Variants in SGCD observed in about 807,000 individuals in gnomAD.
The protein encoded by SGCD is sarcoglycan delta.
In SGCD, 18 loss-of-function variants were observed where a neutral mutation model predicts 36.6. That is an observed-to-expected ratio of 0.49 (90% CI 0.34 to 0.73). The LOEUF (loss-of-function observed/expected upper bound fraction) is 0.73, where lower values mean the gene tolerates loss of function less well. Among genes scored for constraint, SGCD ranks in the 30% least tolerant of loss-of-function variants. SGCD has a pLI of 0.01. For missense variants in SGCD, 387 were observed against 346.7 expected, an observed-to-expected ratio of 1.12 and a Z score of -0.92; for synonymous variants, 133 against 130.6, an observed-to-expected ratio of 1.02 and a Z score of -0.12.
At chr5:155,967,038 C>T (rs750658356) in intron 1 of SGCD, among the ~76,000 whole-genome samples, 18 of 151,532 alleles carry the variant, frequency 1.2e-4, no homozygotes, top group Non-Finnish European at 2.4e-4. Flanking sequence ...TCCATCTCCT[C>T]CTTTATTGTC....
chr5:155,926,661 T>A (rs1193222296), intron 1 of SGCD, among the ~76,000 whole-genome samples: 1 of 152,192 alleles, frequency 6.6e-6, no homozygotes. Context: ...TGAAATTGTT[T>A]TCAACAGCAA....
At chr5:156,431,669 G>T (rs891439956) in intron 3 of SGCD, among the ~76,000 whole-genome samples, 4 of 152,080 alleles carry the variant, frequency 2.6e-5, no homozygotes, top group Non-Finnish European at 4.4e-5. Context: ...CCTTCCCTTA[G>T]GAATGGGGCT....
At chr5:155,931,809 T>C (rs1008237506) in intron 1 of SGCD, among the ~76,000 whole-genome samples, 8 of 152,206 alleles carry the variant, frequency 5.3e-5, no homozygotes, top group Non-Finnish European at 1.0e-4. Context: ...CCATTTGGGC[T>C]GCTGTAACAA....
chr5:156,111,418 G>A (rs1218044371), intron 1 of SGCD, among the ~76,000 whole-genome samples: 2 of 152,190 alleles, frequency 1.3e-5, no homozygotes, highest in Non-Finnish European at 2.9e-5. Flanking sequence ...AAGCCTTTGG[G>A]AAGTTTGGAC....
At chr5:156,338,838 G>A (rs996908264) in intron 2 of SGCD, among the ~76,000 whole-genome samples, 1 of 151,992 alleles carries the variant, frequency 6.6e-6, no homozygotes, top group African/African-American at 2.4e-5. Context: ...AGTTACACAG[G>A]GCCACACAGC....
intron 1 of SGCD, among the ~76,000 whole-genome samples, chr5:156,115,548 A>G (rs1761888040): frequency 6.6e-6 from 1 of 152,102 alleles, no homozygotes; most frequent in Non-Finnish European, 1.5e-5. Context: ...AAATATAAGA[A>G]TGATATTATA....
chr5:156,744,703 T>C (rs929624444), intron 7 of SGCD, among the ~76,000 whole-genome samples: 2 of 152,222 alleles, frequency 1.3e-5, no homozygotes, highest in African/African-American at 4.8e-5. Flanking sequence ...CTTTCTCTAA[T>C]GGAGCCATGA....
intron 7 of SGCD, among the ~76,000 whole-genome samples, chr5:156,734,040 AATG>A (rs1447166520): frequency 4.6e-5 from 7 of 152,092 alleles, no homozygotes; most frequent in Non-Finnish European, 1.0e-4. Flanking sequence ...AGTGGCTGGT[AATG>A]ATCTTTCTTT....
At chr5:155,902,260 TA>T (rs1386435086) in intron 1 of SGCD, among the ~76,000 whole-genome samples, 2 of 152,252 alleles carry the variant, frequency 1.3e-5, no homozygotes, top group African/African-American at 2.4e-5. Context: ...GGAAATAAGA[TA>T]AAGTATTTAA....
At chr5:156,099,206 TG>T (rs1170771548) in intron 1 of SGCD, among the ~76,000 whole-genome samples, 1 of 152,230 alleles carries the variant, frequency 6.6e-6, no homozygotes, top group Non-Finnish European at 1.5e-5. Flanking sequence ...CAGTTCTTTT[TG>T]GTTGTCTCTT....
rs1354049804 is a variant in SGCD at position 156,580,085 on chromosome 5, A to C, written c.295-9146A>C. On this transcript the variant is annotated intron_variant, in intron 4 of 8. Transcript: ENST00000337851. Reference sequence around the variant, plus strand: ...CCTTTCCATGTTTAGTGCTTCCTTCAGGAGCTCTTGTAAGGCAGGCCTGGT... The same window carrying C: ...CCTTTCCATGTTTAGTGCTTCCTTCCGGAGCTCTTGTAAGGCAGGCCTGGT... Among the ~76,000 whole-genome samples the C allele has an allele frequency of 4.6e-5, 7 of 152,154 alleles. No individual in the cohort carries two copies. In the East Asian group the frequency reaches 1.2e-3, roughly 25 times the overall value.
intron 3 of SGCD, among the ~76,000 whole-genome samples, chr5:156,133,623 G>A (rs1260092877): frequency 6.6e-6 from 1 of 152,122 alleles, no homozygotes; most frequent in Non-Finnish European, 1.5e-5. Context: ...CAAACTAAAG[G>A]ATACTTCCTT....
chr5:156,200,660 T>C (rs568784036), intron 3 of SGCD, among the ~76,000 whole-genome samples: 75 of 152,268 alleles, frequency 4.9e-4, no homozygotes, highest in African/African-American at 1.7e-3. Flanking sequence ...TGGAACCCAT[T>C]ATGCAAACTA....
intron 3 of SGCD, among the ~76,000 whole-genome samples, chr5:156,137,401 G>A (rs1470771670): frequency 6.6e-6 from 1 of 152,168 alleles, no homozygotes; most frequent in Non-Finnish European, 1.5e-5. Context: ...ATGGAACATG[G>A]AGAACATGTA....
chr5:156,500,628 A>T (rs74511043), intron 3 of SGCD, among the ~76,000 whole-genome samples: 2,858 of 152,320 alleles, frequency 0.019, 32 homozygotes, highest in Non-Finnish European at 0.031. Flanking sequence ...TGTTTTACAC[A>T]CCTATCAAAA....
chr5:155,861,949 C>A, the SGCD span, among the ~76,000 whole-genome samples: 1 of 152,126 alleles, frequency 6.6e-6, no homozygotes, highest in Admixed American at 6.5e-5. Context: ...ATTTTATGTA[C>A]TAGCTGCTCT....
chr5:156,362,535 A>G (rs1198072580), intron 3 of SGCD, among the ~76,000 whole-genome samples: 2 of 152,088 alleles, frequency 1.3e-5, no homozygotes, highest in Non-Finnish European at 2.9e-5. Flanking sequence ...AGTCCCAGCT[A>G]CTCGAGAGGC....
chr5:156,099,712 G>A (rs1309565839), intron 1 of SGCD, among the ~76,000 whole-genome samples: 3 of 152,060 alleles, frequency 2.0e-5, no homozygotes, highest in African/African-American at 7.2e-5. Flanking sequence ...ACTGTGCTCG[G>A]CCTATTTAAT....
chr5:156,150,957 G>T (rs1381196621), intron 3 of SGCD, among the ~76,000 whole-genome samples: 1 of 151,128 alleles, frequency 6.6e-6, no homozygotes, highest in Non-Finnish European at 1.5e-5. Context: ...CTCTTAAGAT[G>T]ACTGGAAGAG....
Sources: gnomAD v4.1 joint callset for allele counts (sites outside exome capture counted in the v4.1 genomes callset) on GRCh38, gnomAD v4.1.1 for gene constraint, MANE v1.5 for transcripts, NCBI Gene and HGNC (gene_info 2026-07-23, HGNC 2026-07-21) for gene names.